The following PDPN variants were observed in gnomAD, a reference collection of about 807,000 sequenced individuals.
PDPN encodes the protein podoplanin.
PDPN carries 12 observed loss-of-function variants against 23.2 expected under a neutral mutation model. The ratio of observed to expected loss-of-function variants is 0.52; its 90% CI spans 0.33 to 0.84. The LOEUF is 0.84. Among genes scored for constraint, PDPN ranks in the 40% least tolerant of loss-of-function variants. The pLI is 0.02. For synonymous variants in PDPN, 77 were observed against 76.7 expected (o/e 1.00, Z -0.02); for missense variants, 199 against 212.2 (o/e 0.94, Z 0.39).
At chr1:13,602,340 T>C (rs545156512) in intron 1 of PDPN, among the ~76,000 whole-genome samples, 1 of 148,360 alleles carries the variant, frequency 6.7e-6, no homozygotes, top group African/African-American at 2.5e-5. Context: ...AAAAAAAAAA[T>C]GCCAGCAGCA....
At chr1:13,606,794 T>A (rs1399717957) in intron 1 of PDPN, among the ~76,000 whole-genome samples, 2 of 151,968 alleles carry the variant, frequency 1.3e-5, no homozygotes, top group Non-Finnish European at 2.9e-5. Flanking sequence ...TAATTTAGAG[T>A]TTTTAGGTCC....
At chr1:13,604,084 T>C (rs1432478459) in intron 1 of PDPN, among the ~76,000 whole-genome samples, 1 of 152,208 alleles carries the variant, frequency 6.6e-6, no homozygotes, top group Non-Finnish European at 1.5e-5. Flanking sequence ...TGGTTTATGA[T>C]GGCAAATTCG....
chr1:13,600,537 G>A (rs1211575690), intron 1 of PDPN, among the ~76,000 whole-genome samples: 1 of 152,106 alleles, frequency 6.6e-6, no homozygotes, highest in Non-Finnish European at 1.5e-5. Context: ...GCTAATTTTT[G>A]TACTTTTAGT....
chr1:13,591,331 A>G (rs1293163728), intron 1 of PDPN, among the ~76,000 whole-genome samples: 1 of 152,236 alleles, frequency 6.6e-6, no homozygotes, highest in Non-Finnish European at 1.5e-5. Context: ...ACTCATGACT[A>G]TATTCACACG....
At chr1:13,602,270 G>A (rs904826356) in intron 1 of PDPN, among the ~76,000 whole-genome samples, 10 of 152,126 alleles carry the variant, frequency 6.6e-5, no homozygotes, top group Admixed American at 2.0e-4. Flanking sequence ...AGAGCTTGCC[G>A]TGAGCCGAGA....
chr1:13,600,677 T>A (rs1351919731), intron 1 of PDPN, among the ~76,000 whole-genome samples: 3 of 152,200 alleles, frequency 2.0e-5, no homozygotes, highest in Non-Finnish European at 4.4e-5. Flanking sequence ...ATCACTTAAC[T>A]TCCGACCTTG....
intron 1 of PDPN, among the ~76,000 whole-genome samples, chr1:13,603,075 G>A (rs1293251675): frequency 6.6e-6 from 1 of 150,548 alleles, no homozygotes; most frequent in Non-Finnish European, 1.5e-5. Flanking sequence ...ACAAAGGAGA[G>A]AGAGAGAAAA....
rs373088327 is a variant in PDPN at position 13,610,374 on chromosome 1, A to C, written c.202-13A>C. 1 of 1,609,356 alleles carries C rather than the reference A, an allele frequency of 6.2e-7. No homozygotes were observed. Among genetic ancestry groups the C allele is most frequent in the African/African-American group, 1.3e-5 (1 of 74,722 alleles). On this transcript the variant is annotated splice_polypyrimidine_tract_variant and intron_variant, in intron 2 of 5. Transcript: ENST00000621990. ...CTTTATTTCCTGTTTTTCCTCATTTACACCTACAATAGGTGGCAACAAGTG... is the reference window on the plus strand; with the variant it reads ...CTTTATTTCCTGTTTTTCCTCATTTCCACCTACAATAGGTGGCAACAAGTG...
chr1:13,598,816 G>A (rs988104251), intron 1 of PDPN, among the ~76,000 whole-genome samples: 6 of 152,078 alleles, frequency 3.9e-5, no homozygotes, highest in African/African-American at 1.4e-4. Flanking sequence ...GCTACTTACC[G>A]AGTGCCTGGT....
rs908914132 is a variant in PDPN, at chr1:13,604,907, G to A, written c.68-2266G>A. 1.3e-4 allele frequency among the ~76,000 whole-genome samples: 20 copies of A among 152,062 alleles called. 1 individual carries two copies. Among genetic ancestry groups the A allele is most frequent in the Admixed American group, 1.2e-3 (19 of 15,248 alleles). The stretch of plus-strand genomic sequence containing the variant: ...ACCTCTACCCCTACTCCAGCAAAAG[G>A]CCACATGGAGAGGCAAACCATTTGC... On this transcript the variant is annotated intron_variant, in intron 1 of 5. Coordinates refer to ENST00000621990, the MANE Select transcript of PDPN (RefSeq NM_006474.5).
At chr1:13,610,997 G>A (rs538649848) in intron 3 of PDPN, among the ~76,000 whole-genome samples, 21 of 152,294 alleles carry the variant, frequency 1.4e-4, no homozygotes, top group South Asian at 2.1e-4. Flanking sequence ...TGAGGCGGGC[G>A]GATCACAAGG....
chr1:13,614,570 T>C (rs1641019691), intron 5 of PDPN, 159 bp downstream of exon 5: 2 of 593,788 alleles, frequency 3.4e-6, no homozygotes, highest in Admixed American at 3.0e-5. Flanking sequence ...CTGGGCAACA[T>C]AGTAAGACCC....
intron 1 of PDPN, among the ~76,000 whole-genome samples, chr1:13,605,775 C>A (rs899455534): frequency 2.0e-5 from 3 of 151,864 alleles, no homozygotes; most frequent in Non-Finnish European, 4.4e-5. Context: ...GGCATGCAAC[C>A]CCATGCCCAG....
intron 3 of PDPN, among the ~76,000 whole-genome samples, chr1:13,610,868 T>C (rs1211222276): frequency 6.6e-6 from 1 of 152,248 alleles, no homozygotes; most frequent in Non-Finnish European, 1.5e-5. Context: ...TAAATCTTAA[T>C]AGATTCTATA....
At chr1:13,609,691 T>G (rs973387144) in intron 2 of PDPN, among the ~76,000 whole-genome samples, 116 of 152,208 alleles carry the variant, frequency 7.6e-4, no homozygotes, top group African/African-American at 2.7e-3. Flanking sequence ...GTACTTGTCT[T>G]TTGTGACTGG....
chr1:13,588,841 A>G (rs1453460534), intron 1 of PDPN, among the ~76,000 whole-genome samples: 30 of 151,410 alleles, frequency 2.0e-4, no homozygotes, highest in Non-Finnish European at 4.4e-4. Flanking sequence ...ACCACACCCA[A>G]CTGTTTTTGT....
chr1:13,588,948 A>G (rs972458896), intron 1 of PDPN, among the ~76,000 whole-genome samples: 1 of 110,248 alleles, frequency 9.1e-6, no homozygotes, highest in Non-Finnish European at 2.0e-5. Context: ...TACAGGTGTG[A>G]GCCACCATAC....
At chr1:13,614,214 C>A in intron 4 of PDPN, 86 bp from the exon 5 acceptor site, 1 of 717,396 alleles carries the variant, frequency 1.4e-6, no homozygotes, top group Non-Finnish European at 2.5e-6. Context: ...TGCAGTAGGG[C>A]AGTGGCTTTG....
chr1:13,596,873 A>G (rs556253961), intron 1 of PDPN, among the ~76,000 whole-genome samples: 81 of 152,252 alleles, frequency 5.3e-4, no homozygotes, highest in African/African-American at 1.9e-3. Context: ...ACATTTTTGA[A>G]CTGAGCTGAA....
Sources: allele counts gnomAD v4.1 joint callset (sites outside exome capture counted in the v4.1 genomes callset), GRCh38; gene constraint gnomAD v4.1.1; transcripts MANE v1.5; gene names NCBI Gene and HGNC (gene_info 2026-07-23, HGNC 2026-07-21).